The following KLHDC1 variants were observed in gnomAD, a reference collection of about 807,000 sequenced individuals.
KLHDC1 encodes the protein kelch domain-containing protein 1.
A neutral mutation model predicts 68.3 loss-of-function variants in KLHDC1; 53 were observed. The ratio of observed to expected loss-of-function variants is 0.78; its 90% CI spans 0.62 to 0.98. The LOEUF is 0.98. KLHDC1 is among the 50% of genes least tolerant of loss of function. The pLI is 0.00. For missense variants in KLHDC1, 470 were observed against 492.3 expected (o/e 0.95, Z 0.43); for synonymous variants, 148 against 159.0 (o/e 0.93, Z 0.52).
Position 49,711,910 on chromosome 14 carries a change from C to CTTTTTTTTTTTTTTT in KLHDC1, c.404+1542_404+1556dup, listed in dbSNP as rs992092493. Among the ~76,000 whole-genome samples the CTTTTTTTTTTTTTTT allele has an allele frequency of 2.2e-4, 17 of 76,608 alleles. 1 individual carries two copies. Among genetic ancestry groups the CTTTTTTTTTTTTTTT allele is most frequent in the East Asian group, 1.1e-3 (3 of 2,730 alleles). 50.3% of individuals were successfully genotyped at this position (76,608 alleles called of 152,430 possible). On this transcript the variant is annotated intron_variant, in intron 4 of 12. Coordinates refer to ENST00000359332, the MANE Select transcript of KLHDC1 (RefSeq NM_172193.3). ...TTATATGTCTTTCTTTTTTCTTTTT[C>CTTTTTTTTTTTTTTT]TTTTTTTTTTTTTTTTTTTTTTTTT...
At chr14:49,707,338 CTTTTTTTTT>C (rs1191432812) in intron 1 of KLHDC1, among the ~76,000 whole-genome samples, 1 of 61,774 alleles carries the variant, frequency 1.6e-5, no homozygotes, top group Non-Finnish European at 3.2e-5. Context: ...ACAAGATATT[CTTTTTTTTT>C]TTTTTTTTTT....
intron 10 of KLHDC1, 31 bp from the exon 11 acceptor site, chr14:49,740,067 G>A: frequency 7.9e-7 from 1 of 1,272,816 alleles, no homozygotes. Context: ...CCATGACAGT[G>A]TTTCACTCTG....
At chr14:49,715,765 A>AAT (rs1555339251) in intron 4 of KLHDC1, among the ~76,000 whole-genome samples, 3,535 of 51,264 alleles carry the variant, frequency 0.069, 111 homozygotes, top group African/African-American at 0.1. Flanking sequence ...AAAAAAAAAA[A>AAT]ATATATATAT....
chr14:49,735,842 T>G (rs545044210), intron 10 of KLHDC1, among the ~76,000 whole-genome samples: 35 of 152,008 alleles, frequency 2.3e-4, no homozygotes, highest in Non-Finnish European at 4.0e-4. Flanking sequence ...GAGACCCCAT[T>G]GCTACAGTTT....
At chr14:49,723,399 G>T (rs890021437) in intron 4 of KLHDC1, among the ~76,000 whole-genome samples, 1 of 152,064 alleles carries the variant, frequency 6.6e-6, no homozygotes, top group Non-Finnish European at 1.5e-5. Context: ...AGGCATGGTG[G>T]CACGCACCTG....
At chr14:49,721,459 T>C (rs1269578064) in intron 4 of KLHDC1, among the ~76,000 whole-genome samples, 2 of 152,152 alleles carry the variant, frequency 1.3e-5, no homozygotes, top group Non-Finnish European at 2.9e-5. Context: ...TTTTAAATTA[T>C]ATGCCAGATC....
At chr14:49,744,730 A>G (rs75555122) in intron 12 of KLHDC1, among the ~76,000 whole-genome samples, 1 of 152,194 alleles carries the variant, frequency 6.6e-6, no homozygotes, top group Non-Finnish European at 1.5e-5. Context: ...AGAAAAAAAA[A>G]GTCTGTACAT....
At chr14:49,711,910 CTTTTT>C (rs992092493) in intron 4 of KLHDC1, among the ~76,000 whole-genome samples, 2 of 76,616 alleles carry the variant, frequency 2.6e-5, no homozygotes, top group African/African-American at 1.0e-4. Flanking sequence ...TTTTCTTTTT[CTTTTT>C]TTTTTTTTTT....
intron 1 of KLHDC1, among the ~76,000 whole-genome samples, chr14:49,701,962 A>C (rs565477699): frequency 6.6e-6 from 1 of 152,274 alleles, no homozygotes; most frequent in African/African-American, 2.4e-5. Flanking sequence ...TGAGGTCAGG[A>C]GTGGGAGACC....
intron 11 of KLHDC1, among the ~76,000 whole-genome samples, chr14:49,740,893 G>A (rs1272766153): frequency 2.0e-5 from 3 of 152,024 alleles, no homozygotes; most frequent in East Asian, 1.9e-4. Context: ...CCAGGAGTTC[G>A]AGACCAGCCT....
chr14:49,732,885 C>T, intron 9 of KLHDC1, 69 bp downstream of exon 9: 6 of 799,612 alleles, frequency 7.5e-6, no homozygotes, highest in Non-Finnish European at 1.0e-5. Context: ...TTCATACTTA[C>T]AGTGAAGTAA....
At chr14:49,715,874 G>A (rs183206453) in intron 4 of KLHDC1, among the ~76,000 whole-genome samples, 9 of 150,156 alleles carry the variant, frequency 6.0e-5, no homozygotes, top group Non-Finnish European at 8.9e-5. Context: ...TTTTGAAGTC[G>A]TTTGAGGTTT....
At chr14:49,704,722 A>G (rs1888003595) in intron 1 of KLHDC1, among the ~76,000 whole-genome samples, 1 of 152,000 alleles carries the variant, frequency 6.6e-6, no homozygotes, top group South Asian at 2.1e-4. Context: ...AACCATTCCT[A>G]GAAACAGGAA....
At chr14:49,732,237 A>G (rs1566614294) in intron 8 of KLHDC1, among the ~76,000 whole-genome samples, 3 of 151,722 alleles carry the variant, frequency 2.0e-5, no homozygotes, top group African/African-American at 7.3e-5. Context: ...CAGTGGTGCA[A>G]TCTTGGCTCA....
chr14:49,711,483 G>A (rs560728072), intron 4 of KLHDC1, among the ~76,000 whole-genome samples: 17 of 152,180 alleles, frequency 1.1e-4, no homozygotes, highest in Admixed American at 2.6e-4. Flanking sequence ...GATTACAAGC[G>A]TGAGCCACTG....
At chr14:49,731,324 T>G (rs567385937) in intron 8 of KLHDC1, among the ~76,000 whole-genome samples, 3 of 152,184 alleles carry the variant, frequency 2.0e-5, no homozygotes, top group South Asian at 2.1e-4. Context: ...ACAGTAAAAA[T>G]ATTTCCGTTT....
chr14:49,749,378 A>T (rs926982664), intron 12 of KLHDC1, among the ~76,000 whole-genome samples: 2 of 152,130 alleles, frequency 1.3e-5, no homozygotes, highest in Non-Finnish European at 2.9e-5. Context: ...GTGGAAATAC[A>T]GTTTATTGGC....
intron 1 of KLHDC1, among the ~76,000 whole-genome samples, chr14:49,701,750 AGGGTC>A (rs1887912886): frequency 6.6e-6 from 1 of 152,178 alleles, no homozygotes; most frequent in Admixed American, 6.5e-5. Context: ...ATTTGTAACC[AGGGTC>A]GGGTGTGGTG....
At position 49,723,879 on chromosome 14, in the gene KLHDC1, T is replaced by C; in HGVS notation, c.410T>C (p.Ile137Thr). 6.3e-7 allele frequency: 1 copy of C among 1,574,806 alleles called. No homozygotes were observed. Among genetic ancestry groups the C allele is most frequent in the East Asian group, 2.2e-5 (1 of 44,626 alleles). ...LSCWVYKDRL[I>T]YFGGYGCRRH... ...ATTTCGTATTTGTTTTTCAGACTAA[T>C]ATATTTTGGTGGTTATGGGTGTAGG... The change falls in exon 5 of 13, where the codon ATA becomes ACA. Residue 137 changes from isoleucine to threonine, a missense_variant. Ile to Thr is a moderately conservative substitution (Grantham distance 89). Transcript: ENST00000359332.
Sources: gnomAD v4.1 joint callset for allele counts (sites outside exome capture counted in the v4.1 genomes callset) on GRCh38, gnomAD v4.1.1 for gene constraint, MANE v1.5 for transcripts, NCBI Gene and HGNC (gene_info 2026-07-23, HGNC 2026-07-21) for gene names.